The following CCNF variants were observed in gnomAD, a reference collection of about 807,000 sequenced individuals.
The protein encoded by CCNF is cyclin F.
In CCNF, 30 loss-of-function variants were observed where a neutral mutation model predicts 85.4. The ratio of observed to expected loss-of-function variants is 0.35; its 90% CI spans 0.26 to 0.48. The LOEUF (loss-of-function observed/expected upper bound fraction) is 0.48, where lower values mean the gene tolerates loss of function less well. Ranked by LOEUF, CCNF falls within the 20% of genes least tolerant of loss-of-function variation. CCNF has a pLI of 0.99. For synonymous variants in CCNF, 439 were observed against 425.1 expected, an observed-to-expected ratio of 1.03 and a Z score of -0.40; for missense variants, 919 against 1,010.4, an observed-to-expected ratio of 0.91 and a Z score of 1.23.
chr16:2,442,850 TAA>T (rs1162498539), intron 8 of CCNF, among the ~76,000 whole-genome samples: 3 of 80,922 alleles, frequency 3.7e-5, no homozygotes, highest in East Asian at 7.2e-4. Flanking sequence ...CTATTATATA[TAA>T]TATATATTAT....
chr16:2,436,177 C>T (rs781073147), intron 4 of CCNF: 23 of 311,848 alleles, frequency 7.4e-5, no homozygotes, highest in South Asian at 5.9e-4. Flanking sequence ...CTGCCCTGTG[C>T]GCCATGAGCA....
chr16:2,437,903 T>TA lies in CCNF; in HGVS notation c.541-148dup, dbSNP rs34068510. 0.45 allele frequency: 181,521 copies of TA among 407,572 alleles called. 31,858 individuals carry two copies. The highest frequency in any genetic ancestry group is 0.76 in the African/African-American group (30,115 of 39,870). 25.2% of individuals were successfully genotyped at this position (407,572 alleles called of 1,614,324 possible). On this transcript the variant is annotated intron_variant, in intron 5 of 16. Transcript: ENST00000397066. ...GACAGAGCAAGACCCTGTTTCCCTT[T>TA]AAAAAAAAAAAAAAAAAAAGACTGA...
rs1250052821 is a variant in CCNF at position 2,445,590 on chromosome 16, G to A, written c.1062G>A (p.Leu354=). 1.3e-5 allele frequency: 21 copies of A among 1,613,082 alleles called. No individual in the cohort carries two copies. The highest frequency in any genetic ancestry group is 1.7e-5 in the Non-Finnish European group (20 of 1,180,024). The change falls in exon 10 of 17, where the codon CTG becomes CTA. Residue 354 remains leucine (L), a synonymous_variant. Transcript: ENST00000397066. ...TGGTGCCGCGGTACAGGCTCCAGCT[G>A]CTGGGCATCGCCTGCATGGTCATCT... ...RRLVPRYRLQ[L]LGIACMVICT... is the part of the protein sequence containing the mutation.
At position 2,451,636 on chromosome 16, in the gene CCNF, G is replaced by A. The variant is rs2065395758; in HGVS notation, c.1488-1574G>A. 6.6e-6 allele frequency among the ~76,000 whole-genome samples: 1 copy of A among 152,116 alleles called. No individual in the cohort carries two copies. The highest frequency in any genetic ancestry group is 2.1e-4 in the South Asian group (1 of 4,830). On this transcript the variant is annotated intron_variant, in intron 13 of 16. Transcript: ENST00000397066. The surrounding 1 kb of genome is among the most constrained non-coding windows in gnomAD (Gnocchi z 4.3). ...CACCATCCTAGCTCACTGCAGCCCT[G>A]ACCTCCCGGGCTCAAGGGATTCTTT...
chr16:2,433,611 G>A (rs1020594470), intron 3 of CCNF, among the ~76,000 whole-genome samples: 3 of 151,982 alleles, frequency 2.0e-5, no homozygotes, highest in East Asian at 1.9e-4. Context: ...TTCTTGAGAC[G>A]GAGTCTCGCT....
At chr16:2,431,021 C>T (rs2065259443) in intron 1 of CCNF, 109 bp from the exon 2 acceptor site, 1 of 1,130,242 alleles carries the variant, frequency 8.8e-7, no homozygotes, top group East Asian at 2.3e-5. Context: ...GGAATAGTAA[C>T]CATTAGATCA....
chr16:2,445,730 T>TG (rs1210943604), intron 10 of CCNF, 108 bp downstream of exon 10: 133 of 839,174 alleles, frequency 1.6e-4, no homozygotes, highest in Middle Eastern at 4.2e-4. Flanking sequence ...TTTTGTGTTG[T>TG]TTTTTTTTTT....
intron 10 of CCNF, among the ~76,000 whole-genome samples, chr16:2,447,896 C>T (rs2065370916): frequency 6.6e-6 from 1 of 152,254 alleles, no homozygotes; most frequent in Non-Finnish European, 1.5e-5. Flanking sequence ...AGCCCCCACG[C>T]TGGCAGGTGT....
intron 13 of CCNF, among the ~76,000 whole-genome samples, chr16:2,450,817 C>T (rs1269112300): frequency 1.3e-5 from 2 of 152,220 alleles, no homozygotes; most frequent in African/African-American, 4.8e-5. Flanking sequence ...GCTCATAGTG[C>T]AGCGGACACC....
chr16:2,436,255 A>C (rs1437234277), intron 4 of CCNF: 1 of 171,480 alleles, frequency 5.8e-6, no homozygotes, highest in Admixed American at 6.2e-5. Flanking sequence ...GACAGAGTTC[A>C]GCGTGCCCTG....
In CCNF at chr16:2,456,674, C is replaced by T. The variant is rs369116649; in HGVS notation, c.2015C>T (p.Ala672Val). 30 of 1,613,386 alleles carry T rather than the reference C, an allele frequency of 1.9e-5. No individual in the cohort carries two copies. The highest frequency in any genetic ancestry group is 5.5e-5 in the South Asian group (5 of 91,066). ...DKGPQDPQAL[A>V]LDTQIPATPG... Reference sequence around the variant, plus strand: ...GGACCCCAGGACCCACAGGCACTGGCGCTGGACACCCAGATCCCTGCAACC... The same window carrying T: ...GGACCCCAGGACCCACAGGCACTGGTGCTGGACACCCAGATCCCTGCAACC... Residue 672 changes from alanine (A) to valine (V), a missense_variant, in exon 17 of 17, where the codon GCG (alanine) becomes GTG (valine). This residue lies in a region of CCNF where 505 missense variants were observed against 514.8 expected (regional missense o/e 0.98). Coordinates refer to ENST00000397066, the MANE Select transcript of CCNF (RefSeq NM_001761.3). The surrounding 1 kb of genome is among the most constrained non-coding windows in gnomAD (Gnocchi z 4.5).
rs766000646 is a variant in CCNF, at chr16:2,449,410, A to G, written c.1347A>G (p.Pro449=). Residue 449 remains proline (P), a synonymous_variant, in exon 12 of 17, where the codon CCA becomes CCG. Transcript: ENST00000397066. ...LLHTSLSAYA[P]ARLAAAALLL... is the part of the protein sequence containing the mutation. ...ACACCAGCCTGTCCGCCTACGCCCCAGCCCGCCTGGCTGCCGCAGCCCTGC... is the reference window on the plus strand; with the variant it reads ...ACACCAGCCTGTCCGCCTACGCCCCGGCCCGCCTGGCTGCCGCAGCCCTGC... 2 of 1,611,166 alleles carry G rather than the reference A, an allele frequency of 1.2e-6. No individual in the cohort carries two copies. The highest frequency in any genetic ancestry group is 2.2e-5 in the East Asian group (1 of 44,878).
At chr16:2,430,667 G>A (rs1435917403) in intron 1 of CCNF, among the ~76,000 whole-genome samples, 1 of 152,102 alleles carries the variant, frequency 6.6e-6, no homozygotes, top group Non-Finnish European at 1.5e-5. Flanking sequence ...ATTTGGACTT[G>A]AAAACCAGAC....
chr16:2,454,931 G>C (rs1398319602), intron 15 of CCNF, among the ~76,000 whole-genome samples: 5 of 152,056 alleles, frequency 3.3e-5, no homozygotes, highest in Non-Finnish European at 7.4e-5. Context: ...GTGATGGCGG[G>C]CACCTGTAGT....
In CCNF at chr16:2,431,494, C is replaced by G. The variant is rs535162009; in HGVS notation, c.171+210C>G. 1.4e-3 allele frequency among the ~76,000 whole-genome samples: 219 copies of G among 152,068 alleles called. 1 individual carries two copies. Among genetic ancestry groups the G allele is most frequent in the African/African-American group, 4.9e-3 (203 of 41,492 alleles). On this transcript the variant is annotated intron_variant, in intron 2 of 16. Coordinates refer to ENST00000397066, the MANE Select transcript of CCNF (RefSeq NM_001761.3). Reference sequence around the variant, plus strand: ...AGGAGTTCCAGACCAGCCTGGCCAACTTGGCAAAACCCCCATCTCTACTAA... The same window carrying G: ...AGGAGTTCCAGACCAGCCTGGCCAAGTTGGCAAAACCCCCATCTCTACTAA...
At chr16:2,445,731 T>TTG (rs2065358858) in intron 10 of CCNF, 109 bp downstream of exon 10, 14 of 1,032,742 alleles carry the variant, frequency 1.4e-5, no homozygotes, top group South Asian at 8.7e-5. Context: ...TTTGTGTTGT[T>TTG]TTTTTTTTTT....
rs138913390 is a variant in CCNF, at chr16:2,437,179, C to A, written c.397C>A (p.Arg133Ser). ...RAEVNGLKAS[R>S]FFSLAERLNV... is the part of the protein sequence containing the mutation. ...AGAAGTGAATGGCCTGAAGGCCTCT[C>A]GCTTCTTCAGTCTCGCTGAGCGGCT... The change falls in exon 5 of 17, where the codon CGC becomes AGC. Residue 133 changes from arginine to serine, a missense_variant. By Grantham distance (110) the Arg-to-Ser change is moderately radical (BLOSUM62 -1). This residue lies in a region of CCNF where 410 missense variants were observed against 478.6 expected (regional missense o/e 0.86). Coordinates refer to ENST00000397066, the MANE Select transcript of CCNF (RefSeq NM_001761.3). The A allele has an allele frequency of 6.2e-7, 1 of 1,611,920 alleles. No homozygotes were observed. Among genetic ancestry groups the A allele is most frequent in the Non-Finnish European group, 8.5e-7 (1 of 1,178,450 alleles).
chr16:2,456,585 C>G lies in CCNF; in HGVS notation c.1926C>G (p.Tyr642Ter). Reference protein sequence around the residue: ...PSGILDVTVVYLNPEQHCCQE... With the variant: ...PSGILDVTVV The stretch of plus-strand genomic sequence containing the variant: ...GCATCCTCGATGTCACCGTGGTCTA[C>G]CTGAACCCAGAACAGCATTGCTGCC... The change falls in exon 17 of 17, where the codon TAC (tyrosine) becomes TAG (stop). Residue 642 changes from tyrosine (Y) to a stop codon, truncating the protein, a stop_gained. Coordinates refer to ENST00000397066, the MANE Select transcript of CCNF (RefSeq NM_001761.3). LOFTEE classifies it low-confidence loss of function (END_TRUNC). The surrounding 1 kb of genome is among the most constrained non-coding windows in gnomAD (Gnocchi z 4.5). The G allele has an allele frequency of 1.3e-6, 2 of 1,580,984 alleles. No individual in the cohort carries two copies. Among genetic ancestry groups the G allele is most frequent in the South Asian group, 2.3e-5 (2 of 86,332 alleles).
intron 9 of CCNF, among the ~76,000 whole-genome samples, chr16:2,444,970 G>A (rs2065353426): frequency 1.5e-5 from 1 of 64,784 alleles, no homozygotes; most frequent in Non-Finnish European, 2.6e-5. Flanking sequence ...TCGGCTTGCT[G>A]TAACCTCTGC....
Sources: allele counts gnomAD v4.1 joint callset (sites outside exome capture counted in the v4.1 genomes callset), GRCh38; gene constraint gnomAD v4.1.1; regional missense constraint gnomAD v4.1.1; non-coding constraint Gnocchi (gnomAD v3.1); transcripts MANE v1.5; gene names NCBI Gene and HGNC (gene_info 2026-07-23, HGNC 2026-07-21).